RHOBTB1: variants seen among roughly 807,000 people sequenced by gnomAD.
The protein encoded by RHOBTB1 is Rho related BTB domain containing 1, also known as rho-related BTB domain-containing protein 1.
Under a neutral mutation model 71.6 loss-of-function variants are expected in RHOBTB1, and 40 were observed. The ratio of observed to expected loss-of-function variants is 0.56; its 90% CI spans 0.43 to 0.73. RHOBTB1 has a LOEUF of 0.73. RHOBTB1 is among the 30% of genes least tolerant of loss of function. RHOBTB1 has a pLI of 0.00. For missense variants in RHOBTB1, 797 were observed against 894.0 expected (o/e 0.89, Z 1.38); for synonymous variants, 319 against 334.9 (o/e 0.95, Z 0.52).
intron 2 of RHOBTB1, among the ~76,000 whole-genome samples, chr10:60,978,511 G>A (rs73268006): frequency 0.023 from 3,449 of 152,216 alleles, 129 homozygotes; most frequent in African/African-American, 0.078. Flanking sequence ...GAGAGAGAGT[G>A]GGTATGTTGG....
downstream of RHOBTB1, among the ~76,000 whole-genome samples, chr10:60,865,715 A>G (rs1169520413): frequency 1.3e-5 from 2 of 152,070 alleles, no homozygotes; most frequent in African/African-American, 2.4e-5. Flanking sequence ...TTCTTTGCAT[A>G]TTGTCTTAGT....
intron 2 of RHOBTB1, among the ~76,000 whole-genome samples, chr10:60,926,423 A>G (rs2083888377): frequency 6.6e-6 from 1 of 152,214 alleles, no homozygotes; most frequent in African/African-American, 2.4e-5. Context: ...CAAAGACACA[A>G]CAAAGAAAGA....
intron 4 of RHOBTB1, among the ~76,000 whole-genome samples, chr10:60,893,473 G>T (rs1397249022): frequency 1.3e-5 from 2 of 152,124 alleles, no homozygotes; most frequent in South Asian, 2.1e-4. Context: ...GCTGTACAGG[G>T]TCAGCAAATA....
rs76965186 is a variant in RHOBTB1, at chr10:60,887,075, T to TA, written c.1457-846dup. Among the ~76,000 whole-genome samples, 1,140 of 143,016 alleles carry TA rather than the reference T, an allele frequency of 8.0e-3. 2 individuals are homozygous for TA. The highest frequency in any genetic ancestry group is 0.019 in the East Asian group (95 of 4,990). The allele number at this position is 143,016 out of a possible 152,430, so 93.8% of individuals were successfully genotyped here. A position where few individuals can be genotyped will look rare whatever the true frequency, so the allele number is the denominator to read the frequency against. On this transcript the variant is annotated intron_variant, in intron 6 of 10. Coordinates refer to ENST00000337910, the MANE Select transcript of RHOBTB1 (RefSeq NM_014836.5). Reference sequence around the variant, plus strand: ...ATCCCTAAATCGTATTTCATAGCTTTAAAAAAAAAAAAACAGAATCCAATT... The same window carrying TA: ...ATCCCTAAATCGTATTTCATAGCTTTAAAAAAAAAAAAAACAGAATCCAATT...
At chr10:60,963,131 C>G (rs1019577752) in intron 2 of RHOBTB1, among the ~76,000 whole-genome samples, 100 of 152,252 alleles carry the variant, frequency 6.6e-4, no homozygotes, top group African/African-American at 2.4e-3. Flanking sequence ...ACAAACCACA[C>G]CATTTGGTTT....
chr10:60,911,101 C>T, intron 3 of RHOBTB1, 111 bp from the exon 4 acceptor site: 2 of 851,034 alleles, frequency 2.4e-6, no homozygotes, highest in East Asian at 5.2e-5. Flanking sequence ...ATTAAGTTTC[C>T]TTATTCTATC....
chr10:60,886,144 C>G lies in RHOBTB1; in HGVS notation c.1543G>C (p.Gly515Arg). The G allele has an allele frequency of 6.2e-7, 1 of 1,614,062 alleles. No homozygotes were observed. The highest frequency in any genetic ancestry group is 1.7e-5 in the Admixed American group (1 of 60,018). ...CSCEWMAAMF[G>R]GSFVESANSE... ...TTGGCACTTTCCACAAATGACCCCC[C>G]GAACATGGCTGCCATCCACTCACAG... The change falls in exon 7 of 11, where the codon GGG becomes CGG. Residue 515 changes from glycine to arginine, a missense_variant. Gly to Arg is a moderately radical substitution (Grantham distance 125, BLOSUM62 -2). Coordinates refer to ENST00000337910, the MANE Select transcript of RHOBTB1 (RefSeq NM_014836.5).
chr10:60,966,269 C>T (rs1409877925), intron 2 of RHOBTB1, among the ~76,000 whole-genome samples: 2 of 151,176 alleles, frequency 1.3e-5, no homozygotes, highest in African/African-American at 2.4e-5. Context: ...TACAAAGTGA[C>T]TTTTCAGGTT....
intron 8 of RHOBTB1, among the ~76,000 whole-genome samples, chr10:60,876,747 C>T (rs556358032): frequency 1.8e-4 from 27 of 152,252 alleles, no homozygotes; most frequent in African/African-American, 4.6e-4. Flanking sequence ...TGCCTCAACT[C>T]GCTCTTTCTA....
intron 2 of RHOBTB1, among the ~76,000 whole-genome samples, chr10:60,962,386 C>G (rs904929561): frequency 6.6e-6 from 1 of 152,038 alleles, no homozygotes; most frequent in Admixed American, 6.6e-5. Flanking sequence ...GCAGACATGA[C>G]AGGGGAGGAA....
intron 4 of RHOBTB1, among the ~76,000 whole-genome samples, chr10:60,903,909 A>G (rs1489999509): frequency 6.6e-6 from 1 of 152,178 alleles, no homozygotes; most frequent in Non-Finnish European, 1.5e-5. Context: ...ATAGTCTAAC[A>G]CACAAACCTT....
chr10:60,871,721 C>G, intron 10 of RHOBTB1, 70 bp from the exon 11 acceptor site: 1 of 1,410,526 alleles, frequency 7.1e-7, no homozygotes, highest in Non-Finnish European at 9.7e-7. Context: ...AGGCCTTGAG[C>G]TTAAAGCTTC....
rs76965186 is a variant in RHOBTB1, at chr10:60,887,075, TAA to T, written c.1457-847_1457-846del. Reference sequence around the variant, plus strand: ...ATCCCTAAATCGTATTTCATAGCTTTAAAAAAAAAAAAACAGAATCCAATTGA... The same window carrying T: ...ATCCCTAAATCGTATTTCATAGCTTTAAAAAAAAAAACAGAATCCAATTGA... On this transcript the variant is annotated intron_variant, in intron 6 of 10. Transcript: ENST00000337910. Among the ~76,000 whole-genome samples the T allele has an allele frequency of 4.9e-5, 7 of 143,194 alleles. No individual in the cohort carries two copies. In the East Asian group the frequency reaches 6.0e-4, roughly 12 times the overall value. The allele number at this position is 143,194 out of a possible 152,430, so 93.9% of individuals were successfully genotyped here.
upstream of RHOBTB1, among the ~76,000 whole-genome samples, chr10:60,946,527 G>A (rs1021371918): frequency 1.3e-5 from 2 of 152,102 alleles, no homozygotes; most frequent in Non-Finnish European, 2.9e-5. Context: ...TTTTACAGAC[G>A]AGGTAACAGG....
rs199937590 is a variant in RHOBTB1 at position 60,912,193 on chromosome 10, ATG to A, written c.-10-643_-10-642del. Among the ~76,000 whole-genome samples, 1,156 of 152,018 alleles carry A rather than the reference ATG, an allele frequency of 7.6e-3. 14 individuals carry two copies. Among genetic ancestry groups the A allele is most frequent in the African/African-American group, 0.026 (1,078 of 41,464 alleles). Reference sequence around the variant, plus strand: ...TCAAATTCATAATTCATAAATATATATGTGTGTGTGTATATATATGTGTATAT... The same window carrying A: ...TCAAATTCATAATTCATAAATATATATGTGTGTGTATATATATGTGTATAT... On this transcript the variant is annotated intron_variant, in intron 2 of 10. Transcript: ENST00000337910.
intron 2 of RHOBTB1, among the ~76,000 whole-genome samples, chr10:60,954,871 G>A (rs1425822698): frequency 6.6e-6 from 1 of 151,988 alleles, no homozygotes; most frequent in Non-Finnish European, 1.5e-5. Flanking sequence ...AAATGGTCAA[G>A]TTTCGGAAAT....
chr10:61,001,765 G>A (rs12263149), upstream of RHOBTB1, among the ~76,000 whole-genome samples: 61,315 of 152,090 alleles, frequency 0.4, 12,543 homozygotes, highest in Admixed American at 0.5. Flanking sequence ...CTGGGACCCC[G>A]GTCTTTGGAC....
intron 2 of RHOBTB1, among the ~76,000 whole-genome samples, chr10:60,985,279 A>G (rs1403869908): frequency 6.6e-6 from 1 of 152,194 alleles, no homozygotes; most frequent in Non-Finnish European, 1.5e-5. Flanking sequence ...TTTTAGGCAC[A>G]ATACTCTGGG....
intron 2 of RHOBTB1, among the ~76,000 whole-genome samples, chr10:60,981,749 T>C (rs2086502789): frequency 6.6e-6 from 1 of 152,142 alleles, no homozygotes; most frequent in African/African-American, 2.4e-5. Flanking sequence ...GTTAAAAAAT[T>C]AACAGTCACT....
Sources: gnomAD v4.1 joint callset for allele counts (sites outside exome capture counted in the v4.1 genomes callset) on GRCh38, gnomAD v4.1.1 for gene constraint, MANE v1.5 for transcripts, NCBI Gene and HGNC (gene_info 2026-07-23, HGNC 2026-07-21) for gene names.